MAOA: variants seen among roughly 807,000 people sequenced by gnomAD.
MAOA encodes amine oxidase [flavin-containing] A.
A neutral mutation model predicts 42.0 loss-of-function variants in MAOA; 6 were observed. That is an observed-to-expected ratio of 0.14 (90% CI 0.08 to 0.28). MAOA has a LOEUF of 0.28. Among genes scored for constraint, MAOA ranks in the 10% least tolerant of loss-of-function variants. The pLI is 1.00. For missense variants in MAOA, 262 were observed against 422.3 expected (o/e 0.62, Z 3.33); for synonymous variants, 140 against 154.0 (o/e 0.91, Z 0.67).
At chrX:43,734,875 G>A (rs1381261554) in intron 9 of MAOA, among the ~76,000 whole-genome samples, 1 of 108,520 alleles carries the variant, frequency 9.2e-6, no homozygotes, top group Non-Finnish European at 1.9e-5. Context: ...GACTAAAAAT[G>A]TTTTCAGATA....
At chrX:43,681,558 T>C (rs1346363597) in intron 1 of MAOA, among the ~76,000 whole-genome samples, 1 of 111,367 alleles carries the variant, frequency 9.0e-6, no homozygotes, top group Non-Finnish European at 1.9e-5. Context: ...TTAGGATATA[T>C]ACCATTAGAA....
intron 1 of MAOA, among the ~76,000 whole-genome samples, chrX:43,657,225 TTATATATATATATGAACTGTGTTTA>T (rs1555940930): frequency 1.4e-5 from 1 of 71,537 alleles, no homozygotes; most frequent in Admixed American, 1.5e-4. Context: ...TGAACTGTGT[TTATATATATATATGAACTGTGTTTA>T]TATATATATA....
intron 9 of MAOA, among the ~76,000 whole-genome samples, chrX:43,735,056 A>G (rs1159426310): frequency 8.9e-6 from 1 of 112,192 alleles, no homozygotes; most frequent in African/African-American, 3.2e-5. Context: ...TCAATAGTTC[A>G]GATTTCCTAA....
chrX:43,718,591 G>A (rs1259339971), intron 5 of MAOA, among the ~76,000 whole-genome samples: 3 of 109,143 alleles, frequency 2.7e-5, no homozygotes, highest in Non-Finnish European at 5.7e-5. Flanking sequence ...CCAGGAATGA[G>A]TCACACTATG....
At chrX:43,713,250 G>A (rs1028160380) in intron 5 of MAOA, among the ~76,000 whole-genome samples, 7 of 111,354 alleles carry the variant, frequency 6.3e-5, no homozygotes, top group Non-Finnish European at 1.1e-4. Flanking sequence ...ACCAAACATC[G>A]CATGTTCTCA....
intron 1 of MAOA, among the ~76,000 whole-genome samples, chrX:43,660,624 C>G (rs1161960547): frequency 1.8e-5 from 2 of 111,995 alleles, no homozygotes; most frequent in Admixed American, 1.9e-4. Context: ...TCTATCTATC[C>G]TTCAATGCTT....
intron 2 of MAOA, among the ~76,000 whole-genome samples, chrX:43,689,760 C>T (rs1408912011): frequency 1.8e-5 from 2 of 111,526 alleles, no homozygotes; most frequent in Non-Finnish European, 3.8e-5. Flanking sequence ...TATTTGTAAC[C>T]ATTTTCATTC....
At chrX:43,720,698 AG>A (rs1339088174) in intron 5 of MAOA, among the ~76,000 whole-genome samples, 1 of 98,373 alleles carries the variant, frequency 1.0e-5, no homozygotes, top group African/African-American at 3.8e-5. Context: ...CGGGGGAGAT[AG>A]GGGAGATTAG....
chrX:43,739,371 C>T (rs1396081956), intron 10 of MAOA, among the ~76,000 whole-genome samples: 1 of 111,878 alleles, frequency 8.9e-6, no homozygotes, highest in African/African-American at 3.2e-5. Flanking sequence ...CTTAAACCTT[C>T]CATGGAAAAT....
chrX:43,655,396 G>A (rs2033169835), upstream of MAOA: 1 of 111,693 alleles, frequency 9.0e-6, no homozygotes, highest in Non-Finnish European at 1.9e-5. Context: ...GCCTCCTGGA[G>A]CTCCAGCATA....
chrX:43,729,151 C>T (rs2033861711), intron 6 of MAOA, among the ~76,000 whole-genome samples: 1 of 112,234 alleles, frequency 8.9e-6, no homozygotes, highest in African/African-American at 3.2e-5. Context: ...ACCGGAAATC[C>T]CCAAGTTCTT....
At chrX:43,698,866 A>G (rs1340603113) in intron 3 of MAOA, among the ~76,000 whole-genome samples, 2 of 112,350 alleles carry the variant, frequency 1.8e-5, no homozygotes, top group East Asian at 5.6e-4. Context: ...AAATTAACAT[A>G]AATTAATCAT....
chrX:43,672,923 G>A (rs1486416518), intron 1 of MAOA, among the ~76,000 whole-genome samples: 2 of 111,345 alleles, frequency 1.8e-5, no homozygotes, highest in Admixed American at 1.9e-4. Flanking sequence ...GTCTCTGCCC[G>A]GCTTTGATAT....
intron 1 of MAOA, chrX:43,657,798 T>G (rs2033196729): frequency 2.4e-6 from 1 of 413,898 alleles, no homozygotes; most frequent in Admixed American, 9.2e-5. Context: ...ACTCTGAACA[T>G]GCTACAAATT....
At chrX:43,740,341 A>G (rs899895057) in intron 10 of MAOA, among the ~76,000 whole-genome samples, 1 of 112,376 alleles carries the variant, frequency 8.9e-6, no homozygotes, top group East Asian at 2.8e-4. Flanking sequence ...ATATAGAATC[A>G]GTTCCTAAGA....
chrX:43,697,970 G>A (rs1269602516), intron 3 of MAOA, among the ~76,000 whole-genome samples: 1 of 112,272 alleles, frequency 8.9e-6, no homozygotes, highest in Non-Finnish European at 1.9e-5. Context: ...GGGGAAAAGT[G>A]GGTGTTTCCC....
rs369529536 is a variant in MAOA at position 43,706,215 on chromosome X, T to C, written c.307-5657T>C. 1.3e-4 allele frequency among the ~76,000 whole-genome samples: 15 copies of C among 112,517 alleles called. No homozygotes were observed. The East Asian group carries it at 3.1e-3, about 23-fold the overall frequency. ...TTGTACACTATAAATGGATGAATTA[T>C]AGGATATGTGAATGATATGTTAATA... On this transcript the variant is annotated intron_variant, in intron 3 of 14. Coordinates refer to ENST00000338702, the MANE Select transcript of MAOA (RefSeq NM_000240.4).
At chrX:43,657,658 TC>T (rs938873641) in intron 1 of MAOA, among the ~76,000 whole-genome samples, 3 of 111,700 alleles carry the variant, frequency 2.7e-5, no homozygotes, top group South Asian at 3.8e-4. Flanking sequence ...TGACCTATCC[TC>T]CCCCTACTAG....
Position 43,718,941 on chromosome X carries a change from C to T in MAOA, c.503+6145C>T, listed in dbSNP as rs759956639. ...AGACAGGAAGTGTGGAAGATGACCA[C>T]GATGGTATCTTCCAGGGATGACCCA... On this transcript the variant is annotated intron_variant, in intron 5 of 14. Transcript: ENST00000338702. Among the ~76,000 whole-genome samples the T allele has an allele frequency of 9.9e-5, 11 of 110,690 alleles. No individual in the cohort carries two copies. The East Asian group carries it at 2.0e-3, about 20-fold the overall frequency.
Sources: allele counts gnomAD v4.1 joint callset (sites outside exome capture counted in the v4.1 genomes callset), GRCh38; gene constraint gnomAD v4.1.1; transcripts MANE v1.5; gene names NCBI Gene and HGNC (gene_info 2026-07-23, HGNC 2026-07-21).